MSRA: variants seen among roughly 807,000 people sequenced by gnomAD.
The protein encoded by MSRA is methionine sulfoxide reductase A.
Under a neutral mutation model 31.3 loss-of-function variants are expected in MSRA, and 54 were observed. That is an observed-to-expected ratio of 1.73 (90% CI 1.39 to 2.17). MSRA has a LOEUF of 2.17. MSRA is among the 30% of genes most tolerant of loss of function. The probability of loss-of-function intolerance (pLI) is 0.00; values close to 1 mark genes in which losing one functional copy is unlikely to be tolerated. For missense variants in MSRA, 507 were observed against 300.9 expected, an observed-to-expected ratio of 1.69 and a Z score of -5.07; for synonymous variants, 169 against 116.5, an observed-to-expected ratio of 1.45 and a Z score of -2.90.
chr8:10,129,526 A>T (rs1478458937), intron 1 of MSRA, among the ~76,000 whole-genome samples: 1 of 152,074 alleles, frequency 6.6e-6, no homozygotes, highest in African/African-American at 2.4e-5. Flanking sequence ...ATGCAGGGAA[A>T]CTGAGAGCAC....
chr8:10,424,234 A>G (rs968947833), intron 5 of MSRA, among the ~76,000 whole-genome samples: 7 of 152,232 alleles, frequency 4.6e-5, no homozygotes. Context: ...TTCGGGAAAC[A>G]GGTAAAAATG....
intron 1 of MSRA, among the ~76,000 whole-genome samples, chr8:10,089,326 A>G (rs763985665): frequency 2.0e-5 from 3 of 152,098 alleles, no homozygotes; most frequent in Admixed American, 1.3e-4. Flanking sequence ...AAACCTAACA[A>G]TTGCCTCCTT....
At chr8:10,145,629 G>C (rs1303096677) in intron 1 of MSRA, among the ~76,000 whole-genome samples, 1 of 152,168 alleles carries the variant, frequency 6.6e-6, no homozygotes, top group Non-Finnish European at 1.5e-5. Flanking sequence ...CCTGTGACCT[G>C]TTCACTTTCA....
intron 5 of MSRA, chr8:10,337,004 A>G (rs914339701): frequency 6.6e-6 from 1 of 152,160 alleles, no homozygotes; most frequent in African/African-American, 2.4e-5. Context: ...TAGCCCAGAA[A>G]ACAATGGTAA....
At chr8:10,200,467 G>C (rs753209813) in intron 1 of MSRA, among the ~76,000 whole-genome samples, 1 of 152,144 alleles carries the variant, frequency 6.6e-6, no homozygotes, top group Non-Finnish European at 1.5e-5. Flanking sequence ...GGGGACATTT[G>C]CCTTATTCCC....
At chr8:10,145,461 A>G (rs1161672076) in intron 1 of MSRA, among the ~76,000 whole-genome samples, 1 of 152,114 alleles carries the variant, frequency 6.6e-6, no homozygotes, top group Non-Finnish European at 1.5e-5. Context: ...AGAGTGTACC[A>G]TCTGATTTTT....
chr8:10,168,516 G>T (rs140961168), intron 1 of MSRA, among the ~76,000 whole-genome samples: 10 of 152,314 alleles, frequency 6.6e-5, no homozygotes, highest in African/African-American at 2.4e-4. Context: ...GGAAAGTAGG[G>T]AGGAGGGAAG....
chr8:10,396,468 A>C (rs750202296), intron 5 of MSRA, among the ~76,000 whole-genome samples: 1 of 152,252 alleles, frequency 6.6e-6, no homozygotes, highest in East Asian at 1.9e-4. Flanking sequence ...CAAAAATGAG[A>C]TAGAAAATGG....
At chr8:10,201,934 G>A (rs1333973658) in intron 1 of MSRA, among the ~76,000 whole-genome samples, 1 of 152,358 alleles carries the variant, frequency 6.6e-6, no homozygotes, top group Non-Finnish European at 1.5e-5. Context: ...AGAAGGGGCT[G>A]GGGCATGTGC....
At chr8:10,107,506 T>G (rs940483574) in intron 1 of MSRA, among the ~76,000 whole-genome samples, 1 of 152,206 alleles carries the variant, frequency 6.6e-6, no homozygotes, top group Non-Finnish European at 1.5e-5. Flanking sequence ...ACTCAGAACA[T>G]TCCTGTTTCA....
intron 4 of MSRA, among the ~76,000 whole-genome samples, chr8:10,314,340 C>T (rs1006647717): frequency 4.6e-5 from 7 of 151,584 alleles, no homozygotes. Flanking sequence ...TTAGAAAAGA[C>T]AGACTGCTGA....
chr8:10,283,836 T>TATATATACACACAC (rs1261287031), intron 3 of MSRA, among the ~76,000 whole-genome samples: 15 of 53,158 alleles, frequency 2.8e-4, no homozygotes, highest in South Asian at 2.0e-3. Flanking sequence ...TATATATATA[T>TATATATACACACAC]ACACACACAC....
intron 1 of MSRA, among the ~76,000 whole-genome samples, chr8:10,152,612 G>C (rs895082611): frequency 1.3e-5 from 2 of 152,178 alleles, no homozygotes; most frequent in African/African-American, 4.8e-5. Context: ...AGATTCTGTG[G>C]ATCTCTTGCT....
At chr8:10,259,718 A>G (rs1798370164) in intron 3 of MSRA, among the ~76,000 whole-genome samples, 1 of 152,204 alleles carries the variant, frequency 6.6e-6, no homozygotes, top group South Asian at 2.1e-4. Flanking sequence ...AAACAAGGGA[A>G]AGCAGTCCAG....
chr8:10,057,796 A>T (rs1450842530), intron 1 of MSRA, among the ~76,000 whole-genome samples: 1 of 152,176 alleles, frequency 6.6e-6, no homozygotes, highest in South Asian at 2.1e-4. Flanking sequence ...AAGTTTCCTG[A>T]GGCCTCCCTG....
intron 5 of MSRA, among the ~76,000 whole-genome samples, chr8:10,330,206 T>G (rs13257887): frequency 6.8e-6 from 1 of 148,146 alleles, no homozygotes; most frequent in Non-Finnish European, 1.5e-5. Context: ...AAATGTGATA[T>G]ACACACACAC....
Position 10,353,380 on chromosome 8 carries a change from C to G in MSRA, c.543+33391C>G, listed in dbSNP as rs543145808. Among the ~76,000 whole-genome samples the G allele has an allele frequency of 2.6e-5, 4 of 152,294 alleles. No individual in the cohort carries two copies. In the South Asian group the frequency reaches 8.3e-4, roughly 32 times the overall value. ...ACGCTGATCTGGTACTGAAGACCAC[C>G]AGGGCCGTCCGTGGCGTGTACGGAG... On this transcript the variant is annotated intron_variant, in intron 5 of 5. Transcript: ENST00000317173.
intron 1 of MSRA, among the ~76,000 whole-genome samples, chr8:10,128,239 CG>C (rs1308456925): frequency 6.6e-6 from 1 of 151,908 alleles, no homozygotes; most frequent in African/African-American, 2.4e-5. Flanking sequence ...ATTAGCCAGG[CG>C]TGGTGGTGGA....
chr8:10,312,743 C>T (rs1306393273), intron 4 of MSRA, among the ~76,000 whole-genome samples: 1 of 152,188 alleles, frequency 6.6e-6, no homozygotes, highest in Non-Finnish European at 1.5e-5. Context: ...CTTAGTTTAG[C>T]ACTTTAGTAT....
Sources: gnomAD v4.1 joint callset for allele counts (sites outside exome capture counted in the v4.1 genomes callset) on GRCh38, gnomAD v4.1.1 for gene constraint, MANE v1.5 for transcripts, NCBI Gene and HGNC (gene_info 2026-07-23, HGNC 2026-07-21) for gene names.